The following IGDCC4 variants were observed in gnomAD, a reference collection of about 807,000 sequenced individuals.
IGDCC4 encodes likely ortholog of mouse neighbor of Punc E11.
In IGDCC4, 72 loss-of-function variants were observed where a neutral mutation model predicts 116.6. That is an observed-to-expected ratio of 0.62 (90% CI 0.51 to 0.75). The LOEUF (loss-of-function observed/expected upper bound fraction) is 0.75, where lower values mean the gene tolerates loss of function less well. Ranked by LOEUF, IGDCC4 falls within the 30% of genes least tolerant of loss-of-function variation. The probability of loss-of-function intolerance (pLI) is 0.00; values close to 1 mark genes in which losing one functional copy is unlikely to be tolerated. For synonymous variants in IGDCC4, 709 were observed against 719.9 expected, an observed-to-expected ratio of 0.98 and a Z score of 0.24; for missense variants, 1,501 against 1,662.4, an observed-to-expected ratio of 0.90 and a Z score of 1.69.
chr15:65,394,973 G>T, intron 8 of IGDCC4, 121 bp downstream of exon 8: 1 of 1,105,072 alleles, frequency 9.0e-7, no homozygotes, highest in Non-Finnish European at 1.3e-6. Context: ...CTCTCTTACG[G>T]GGCACAAAAG....
intron 12 of IGDCC4, among the ~76,000 whole-genome samples, chr15:65,390,905 G>A (rs1333197190): frequency 2.0e-5 from 3 of 152,178 alleles, no homozygotes; most frequent in Non-Finnish European, 4.4e-5. Flanking sequence ...GACACTCAGC[G>A]AAATATTTGC....
Position 65,395,832 on chromosome 15 carries a change from G to A in IGDCC4, c.1329C>T (p.Ser443=), listed in dbSNP as rs1223570987. The A allele has an allele frequency of 3.9e-6, 6 of 1,546,868 alleles. No individual in the cohort carries two copies. The highest frequency in any genetic ancestry group is 2.4e-5 in the East Asian group (1 of 41,116). The change falls in exon 7 of 20, where the codon TCC becomes TCT. Residue 443 remains serine, a synonymous_variant. Coordinates refer to ENST00000352385, the MANE Select transcript of IGDCC4 (RefSeq NM_020962.3). ...GCCGCTCCCAGGCCACCAACACAGC[G>A]GAGCTGCTCAGTGGCGTAGCAGTGA... The part of the protein sequence containing the change: ...TRVTATPLSS[S]AVLVAWERPE...
At position 65,400,795 on chromosome 15, in the gene IGDCC4, C is replaced by A; in HGVS notation, c.841+11G>T. 6.3e-7 allele frequency: 1 copy of A among 1,586,334 alleles called. No homozygotes were observed. Among genetic ancestry groups the A allele is most frequent in the Non-Finnish European group, 8.6e-7 (1 of 1,164,058 alleles). ...TTCCCATGCCCTCCTTCTCCCACCC[C>A]CTCCACTCACCTTGTCGGACCCAGG... is the stretch of plus-strand genomic sequence containing the variant. On this transcript the variant is annotated intron_variant, in intron 5 of 19. Transcript: ENST00000352385.
At chr15:65,407,289 GAAA>G (rs34659004) in intron 3 of IGDCC4, among the ~76,000 whole-genome samples, 4 of 138,920 alleles carry the variant, frequency 2.9e-5, no homozygotes, top group African/African-American at 1.1e-4. Flanking sequence ...TTTTGTTTTT[GAAA>G]AAAAAAAAAG....
rs3082805 is a variant in IGDCC4, at chr15:65,412,511, C to CAAAAAAAAAA, written c.71-1151_71-1142dup. Among the ~76,000 whole-genome samples, 55 of 16,718 alleles carry CAAAAAAAAAA rather than the reference C, an allele frequency of 3.3e-3. 20 individuals are homozygous for CAAAAAAAAAA. The highest frequency in any genetic ancestry group is 5.9e-3 in the African/African-American group (32 of 5,440). The allele number at this position is 16,718 out of a possible 152,430, so 11.0% of individuals were successfully genotyped here. ...TGGGTGACAGAATGAGATTCCATCT[C>CAAAAAAAAAA]AAAAAAAAAAAAAAAAAAAAAAAAA... On this transcript the variant is annotated intron_variant, in intron 1 of 19. Coordinates refer to ENST00000352385, the MANE Select transcript of IGDCC4 (RefSeq NM_020962.3).
chr15:65,413,024 ATGTGTGTGTG>A (rs59690408), intron 1 of IGDCC4, among the ~76,000 whole-genome samples: 21 of 146,060 alleles, frequency 1.4e-4, no homozygotes, highest in East Asian at 6.2e-4. Flanking sequence ...GTGTGAGAAA[ATGTGTGTGTG>A]TGTGTGTGTG....
Position 65,393,603 on chromosome 15 carries a change from T to C in IGDCC4, c.1715-72A>G. Reference sequence around the variant, plus strand: ...AGGATCCTAAACCCCCCTACATGGCTCTTCCGCCTCACATCCCGGTTCCTC... The same window carrying C: ...AGGATCCTAAACCCCCCTACATGGCCCTTCCGCCTCACATCCCGGTTCCTC... On this transcript the variant is annotated intron_variant, in intron 9 of 19. Coordinates refer to ENST00000352385, the MANE Select transcript of IGDCC4 (RefSeq NM_020962.3). This position sits in a 1 kb window ranked among gnomAD's most constrained non-coding sequence, Gnocchi z 4.6. The C allele has an allele frequency of 6.9e-7, 1 of 1,455,476 alleles. No individual in the cohort carries two copies. The highest frequency in any genetic ancestry group is 9.3e-7 in the Non-Finnish European group (1 of 1,077,180). The allele number at this position is 1,455,476 out of a possible 1,614,324, so 90.2% of individuals were successfully genotyped here.
In IGDCC4 at chr15:65,386,102, G is replaced by C. The variant is rs142429518; in HGVS notation, c.2952-43C>G. On this transcript the variant is annotated intron_variant, in intron 17 of 19. Coordinates refer to ENST00000352385, the MANE Select transcript of IGDCC4 (RefSeq NM_020962.3). ...AAACAAGGCATAGCGGTCAGAGTAA[G>C]GGGTCAGGCGGGGCTGGGATCTGGT... 1.5e-3 allele frequency: 1,880 copies of C among 1,240,040 alleles called. 7 individuals are homozygous for C. Among genetic ancestry groups the C allele is most frequent in the Middle Eastern group, 9.0e-3 (46 of 5,088 alleles). The allele number at this position is 1,240,040 out of a possible 1,614,324, so 76.8% of individuals were successfully genotyped here. A position where few individuals can be genotyped will look rare whatever the true frequency, so the allele number is the denominator to read the frequency against.
At chr15:65,419,654 G>C (rs1448498361) in intron 1 of IGDCC4, among the ~76,000 whole-genome samples, 2 of 152,168 alleles carry the variant, frequency 1.3e-5, no homozygotes, top group East Asian at 1.9e-4. Context: ...GGCTGAGAAA[G>C]GGATGGGGGA....
intron 5 of IGDCC4, among the ~76,000 whole-genome samples, chr15:65,400,463 G>A (rs2062973184): frequency 6.6e-6 from 1 of 152,214 alleles, no homozygotes; most frequent in Non-Finnish European, 1.5e-5. Flanking sequence ...CAGCTCTCAA[G>A]TACTCACTTG....
intron 3 of IGDCC4, among the ~76,000 whole-genome samples, chr15:65,404,861 G>A (rs942312035): frequency 3.3e-5 from 5 of 152,040 alleles, no homozygotes. Context: ...GACCAGCCTG[G>A]GCAACATGGC....
intron 1 of IGDCC4, 117 bp from the exon 2 acceptor site, chr15:65,411,487 G>C (rs1167641567): frequency 1.2e-6 from 1 of 801,410 alleles, no homozygotes; most frequent in South Asian, 2.1e-5. Flanking sequence ...CCTGCATCTG[G>C]ATCCTGGCTC....
rs2091425436 is a variant in IGDCC4 at position 65,383,843 on chromosome 15, G to C, written c.*166C>G. Reference sequence around the variant, plus strand: ...ATGTGTATCACAAAGAGTATGGGGGGAGTGAATAATCCATGTTTTCCTCTC... The same window carrying C: ...ATGTGTATCACAAAGAGTATGGGGGCAGTGAATAATCCATGTTTTCCTCTC... On this transcript the variant is annotated 3_prime_UTR_variant, in exon 20 of 20. Transcript: ENST00000352385. 1 of 565,370 alleles carries C rather than the reference G, an allele frequency of 1.8e-6. No individual in the cohort carries two copies. Among genetic ancestry groups the C allele is most frequent in the Admixed American group, 3.3e-5 (1 of 30,442 alleles). The allele number at this position is 565,370 out of a possible 1,614,324, so 35.0% of individuals were successfully genotyped here. A position where few individuals can be genotyped will look rare whatever the true frequency, so the allele number is the denominator to read the frequency against.
chr15:65,403,796 G>A (rs2063014543), intron 3 of IGDCC4, among the ~76,000 whole-genome samples: 1 of 152,140 alleles, frequency 6.6e-6, no homozygotes, highest in African/African-American at 2.4e-5. Context: ...CTGCCCTCTG[G>A]GCTAAAGAAA....
chr15:65,398,552 A>G (rs1268709470), intron 5 of IGDCC4, among the ~76,000 whole-genome samples: 12 of 147,742 alleles, frequency 8.1e-5, no homozygotes, highest in Admixed American at 6.7e-4. Context: ...AAAAAAAAAA[A>G]AAAAGAAAGA....
intron 3 of IGDCC4, among the ~76,000 whole-genome samples, chr15:65,408,463 C>T (rs916887876): frequency 1.3e-5 from 2 of 152,208 alleles, no homozygotes; most frequent in Non-Finnish European, 2.9e-5. Context: ...GTCAGCATTT[C>T]CCAGGGTTCA....
chr15:65,413,024 A>ATGTGTGTGTGTG lies in IGDCC4; in HGVS notation c.71-1666_71-1655dup, dbSNP rs59690408. Among the ~76,000 whole-genome samples the ATGTGTGTGTGTG allele has an allele frequency of 5.3e-3, 768 of 146,046 alleles. 8 individuals are homozygous for ATGTGTGTGTGTG. Among genetic ancestry groups the ATGTGTGTGTGTG allele is most frequent in the African/African-American group, 0.018 (732 of 39,602 alleles). On this transcript the variant is annotated intron_variant, in intron 1 of 19. Coordinates refer to ENST00000352385, the MANE Select transcript of IGDCC4 (RefSeq NM_020962.3). The stretch of plus-strand genomic sequence containing the variant: ...TAAAATGTATTATAAGTGTGAGAAA[A>ATGTGTGTGTGTG]TGTGTGTGTGTGTGTGTGTGTGTGT...
At position 65,386,072 on chromosome 15, in the gene IGDCC4, A is replaced by C; in HGVS notation, c.2952-13T>G. On this transcript the variant is annotated splice_polypyrimidine_tract_variant and intron_variant, in intron 17 of 19. Coordinates refer to ENST00000352385, the MANE Select transcript of IGDCC4 (RefSeq NM_020962.3). Reference sequence around the variant, plus strand: ...TGGGAGGGATTCCCTGGAAGGGAAGACGGAAAACAAGGCATAGCGGTCAGA... The same window carrying C: ...TGGGAGGGATTCCCTGGAAGGGAAGCCGGAAAACAAGGCATAGCGGTCAGA... 6.8e-7 allele frequency: 1 copy of C among 1,463,080 alleles called. No homozygotes were observed. The highest frequency in any genetic ancestry group is 9.1e-7 in the Non-Finnish European group (1 of 1,098,078). The allele number at this position is 1,463,080 out of a possible 1,614,324, so 90.6% of individuals were successfully genotyped here.
chr15:65,389,343 T>C lies in IGDCC4; in HGVS notation c.2477A>G (p.His826Arg), dbSNP rs1311675078. 1.2e-6 allele frequency: 2 copies of C among 1,614,160 alleles called. No individual in the cohort carries two copies. The highest frequency in any genetic ancestry group is 1.7e-6 in the Non-Finnish European group (2 of 1,180,034). Residue 826 changes from histidine (H) to arginine (R), a missense_variant, in exon 14 of 20, where the codon CAC (histidine) becomes CGC (arginine). His to Arg is a conservative substitution (Grantham distance 29). Transcript: ENST00000352385. ...GAAAGGCCCATCCATGTCCACGCCG[T>C]GAGACTGCACTGCAAACTCGTATTT... The part of the protein sequence containing the change: ...FTKYEFAVQS[H>R]GVDMDGPFGS...
Sources: allele counts gnomAD v4.1 joint callset (sites outside exome capture counted in the v4.1 genomes callset), GRCh38; gene constraint gnomAD v4.1.1; non-coding constraint Gnocchi (gnomAD v3.1); transcripts MANE v1.5; gene names NCBI Gene and HGNC (gene_info 2026-07-23, HGNC 2026-07-21).